The following ERP44 variants were observed in gnomAD, a reference collection of about 807,000 sequenced individuals.
ERP44 encodes the protein endoplasmic reticulum resident protein 44.
ERP44 carries 25 observed loss-of-function variants against 53.4 expected under a neutral mutation model. The ratio of observed to expected loss-of-function variants is 0.47; its 90% CI spans 0.34 to 0.65. The LOEUF (loss-of-function observed/expected upper bound fraction) is 0.65, where lower values mean the gene tolerates loss of function less well. Among genes scored for constraint, ERP44 ranks in the 30% least tolerant of loss-of-function variants. ERP44 has a pLI of 0.01. For missense variants in ERP44, 338 were observed against 493.2 expected (o/e 0.69, Z 2.98); for synonymous variants, 145 against 161.2 (o/e 0.90, Z 0.76).
intron 4 of ERP44, among the ~76,000 whole-genome samples, chr9:100,023,388 C>T (rs1008721714): frequency 6.1e-5 from 9 of 148,048 alleles, no homozygotes; most frequent in African/African-American, 2.2e-4. Flanking sequence ...TGATAAATAA[C>T]CTGAGAAATC....
At chr9:100,032,927 A>G (rs542879126) in intron 4 of ERP44, among the ~76,000 whole-genome samples, 4 of 152,332 alleles carry the variant, frequency 2.6e-5, no homozygotes, top group African/African-American at 9.6e-5. Context: ...GACCTAACTA[A>G]TAGAGGACAA....
At chr9:100,054,065 A>G (rs923559857) in intron 3 of ERP44, among the ~76,000 whole-genome samples, 1 of 152,190 alleles carries the variant, frequency 6.6e-6, no homozygotes, top group Non-Finnish European at 1.5e-5. Flanking sequence ...GTCCTAGAAT[A>G]TATCAAGGAG....
chr9:100,049,409 TAAAC>T (rs1264654875), intron 4 of ERP44, among the ~76,000 whole-genome samples: 2 of 152,018 alleles, frequency 1.3e-5, no homozygotes, highest in Non-Finnish European at 2.9e-5. Context: ...AACAAATAAA[TAAAC>T]AAATTTCAAT....
chr9:100,067,104 G>A (rs1826218207), intron 1 of ERP44, among the ~76,000 whole-genome samples: 2 of 152,096 alleles, frequency 1.3e-5, no homozygotes, highest in East Asian at 3.9e-4. Flanking sequence ...TAAGATTTCT[G>A]GACAGAGTGA....
At chr9:99,995,430 T>G (rs1009128629) in intron 10 of ERP44, among the ~76,000 whole-genome samples, 1 of 152,224 alleles carries the variant, frequency 6.6e-6, no homozygotes, top group Non-Finnish European at 1.5e-5. Context: ...GGAAAAGCAT[T>G]TGATCCTTTA....
chr9:100,093,442 G>A (rs545030854), intron 1 of ERP44, among the ~76,000 whole-genome samples: 1 of 152,264 alleles, frequency 6.6e-6, no homozygotes, highest in Admixed American at 6.5e-5. Flanking sequence ...CCAGGAGTTC[G>A]AGACCAGCCT....
At chr9:99,995,575 A>C (rs1216234213) in intron 10 of ERP44, among the ~76,000 whole-genome samples, 1 of 152,140 alleles carries the variant, frequency 6.6e-6, no homozygotes, top group Non-Finnish European at 1.5e-5. Flanking sequence ...CACCTCTATG[A>C]GTTCAACTTT....
intron 4 of ERP44, among the ~76,000 whole-genome samples, chr9:100,049,501 C>T: frequency 6.6e-6 from 1 of 152,158 alleles, no homozygotes; most frequent in Non-Finnish European, 1.5e-5. Context: ...TGTATATAAA[C>T]ATGTAAGAAT....
intron 1 of ERP44, among the ~76,000 whole-genome samples, chr9:100,089,370 C>A (rs1826522856): frequency 6.6e-6 from 1 of 152,082 alleles, no homozygotes; most frequent in African/African-American, 2.4e-5. Flanking sequence ...CACCTTAGGT[C>A]AGGAGTTCGA....
chr9:100,001,004 A>G (rs1014546532), intron 10 of ERP44, among the ~76,000 whole-genome samples: 2 of 152,012 alleles, frequency 1.3e-5, no homozygotes, highest in Admixed American at 1.3e-4. Flanking sequence ...TCCTAAAACT[A>G]TTTTTGCTGC....
intron 10 of ERP44, among the ~76,000 whole-genome samples, chr9:99,989,694 A>G (rs1170947955): frequency 6.6e-6 from 1 of 152,140 alleles, no homozygotes; most frequent in Non-Finnish European, 1.5e-5. Context: ...AGTTGACAGA[A>G]GTAGGCTTCA....
chr9:100,059,745 A>C (rs971692926), intron 2 of ERP44, among the ~76,000 whole-genome samples: 4 of 152,156 alleles, frequency 2.6e-5, no homozygotes, highest in Non-Finnish European at 5.9e-5. Context: ...CAATAACAAT[A>C]AAAGAGATCA....
intron 4 of ERP44, among the ~76,000 whole-genome samples, chr9:100,030,776 C>G (rs1202722522): frequency 1.3e-5 from 2 of 152,248 alleles, no homozygotes; most frequent in African/African-American, 4.8e-5. Context: ...TTGGAAAACC[C>G]CTTTGCAACT....
chr9:99,982,804 C>G, intron 11 of ERP44, 91 bp from the exon 12 acceptor site: 2 of 611,882 alleles, frequency 3.3e-6, no homozygotes, highest in Non-Finnish European at 5.1e-6. Flanking sequence ...AGTAGTTCCC[C>G]TATAATTATT....
At chr9:100,093,942 C>A (rs1826593289) in intron 1 of ERP44, among the ~76,000 whole-genome samples, 1 of 152,202 alleles carries the variant, frequency 6.6e-6, no homozygotes, top group South Asian at 2.1e-4. Flanking sequence ...TAAAATGGCA[C>A]AACCCCTATA....
chr9:100,043,980 CA>C (rs1417453073), intron 4 of ERP44, among the ~76,000 whole-genome samples: 2 of 152,008 alleles, frequency 1.3e-5, no homozygotes, highest in Non-Finnish European at 2.9e-5. Flanking sequence ...TACATGTATT[CA>C]AATATTACTC....
intron 1 of ERP44, among the ~76,000 whole-genome samples, chr9:100,066,287 G>C (rs553098652): frequency 1.3e-5 from 2 of 152,206 alleles, no homozygotes; most frequent in South Asian, 4.1e-4. Flanking sequence ...GAAAAATGTA[G>C]AATGAATCTG....
chr9:100,087,980 T>C (rs552401073), intron 1 of ERP44, among the ~76,000 whole-genome samples: 2 of 152,284 alleles, frequency 1.3e-5, no homozygotes, highest in Non-Finnish European at 2.9e-5. Flanking sequence ...GGAAATCTTT[T>C]GGTTTAACAT....
At chr9:100,079,598 T>G (rs774373822) in intron 1 of ERP44, among the ~76,000 whole-genome samples, 16 of 152,040 alleles carry the variant, frequency 1.1e-4, no homozygotes, top group Non-Finnish European at 2.4e-4. Context: ...TAAAAATATA[T>G]ATTATAATTT....
Sources: allele counts gnomAD v4.1 joint callset (sites outside exome capture counted in the v4.1 genomes callset), GRCh38; gene constraint gnomAD v4.1.1; transcripts MANE v1.5; gene names NCBI Gene and HGNC (gene_info 2026-07-23, HGNC 2026-07-21).